The following RBM6 variants were observed in gnomAD, a reference collection of about 807,000 sequenced individuals.
RBM6 encodes RNA binding motif protein 6.
In RBM6, 23 loss-of-function variants were observed where a neutral mutation model predicts 140.4. The observed-to-expected ratio is 0.16, with a 90% CI of 0.12 to 0.23. The LOEUF (loss-of-function observed/expected upper bound fraction) is 0.23. Among genes scored for constraint, RBM6 ranks in the 10% least tolerant of loss-of-function variants. RBM6 has a pLI of 1.00. For synonymous variants in RBM6, 439 were observed against 475.6 expected, an observed-to-expected ratio of 0.92 and a Z score of 1.00; for missense variants, 1,139 against 1,386.7, an observed-to-expected ratio of 0.82 and a Z score of 2.84.
chr3:50,018,943 G>A (rs888189430), intron 6 of RBM6, among the ~76,000 whole-genome samples: 3 of 151,976 alleles, frequency 2.0e-5, no homozygotes, highest in African/African-American at 4.8e-5. Flanking sequence ...CCAAAGTAGC[G>A]ATTACAATTT....
At chr3:50,037,891 G>C (rs890354823) in intron 6 of RBM6, among the ~76,000 whole-genome samples, 110 of 147,706 alleles carry the variant, frequency 7.4e-4, no homozygotes, top group African/African-American at 2.6e-3. Context: ...GCACGATCTT[G>C]GTTCACTGCA....
chr3:50,015,712 G>A (rs895644481), intron 6 of RBM6, among the ~76,000 whole-genome samples: 5 of 152,210 alleles, frequency 3.3e-5, no homozygotes, highest in South Asian at 2.1e-4. Context: ...GATTACAGGC[G>A]TGAGCCACCG....
In RBM6 at chr3:50,065,016, C is replaced by G. The variant is rs1236547759; in HGVS notation, c.2587-15C>G. ...TGAGTGAATATCATGTGAGAGTTAC[C>G]TCTGGTTTGATCAGTTTCAGGAAAA... is the stretch of plus-strand genomic sequence containing the variant. On this transcript the variant is annotated splice_polypyrimidine_tract_variant and intron_variant, in intron 15 of 20. Coordinates refer to ENST00000266022, the MANE Select transcript of RBM6 (RefSeq NM_005777.3). The G allele has an allele frequency of 1.9e-6, 3 of 1,599,260 alleles. No individual in the cohort carries two copies. Among genetic ancestry groups the G allele is most frequent in the African/African-American group, 2.7e-5 (2 of 74,544 alleles).
At chr3:49,963,739 T>C (rs886442578) in intron 2 of RBM6, among the ~76,000 whole-genome samples, 1 of 152,212 alleles carries the variant, frequency 6.6e-6, no homozygotes, top group African/African-American at 2.4e-5. Flanking sequence ...TTTTAACTAG[T>C]ATTTAAACAT....
intron 6 of RBM6, among the ~76,000 whole-genome samples, chr3:50,002,234 T>A (rs950097390): frequency 6.6e-6 from 1 of 151,414 alleles, no homozygotes; most frequent in African/African-American, 2.4e-5. Flanking sequence ...ACTACAGATA[T>A]GCGCCACCAT....
chr3:50,016,033 C>T (rs186710757), intron 6 of RBM6, among the ~76,000 whole-genome samples: 1 of 152,296 alleles, frequency 6.6e-6, no homozygotes, highest in East Asian at 1.9e-4. Flanking sequence ...ACTAAAACTT[C>T]TTCCTCCTGT....
chr3:49,969,341 T>TC lies in RBM6; in HGVS notation c.1323+594dup, dbSNP rs1300906890. ...CCTGGCCAGTTTTTTTTTTTTTTTTTCATTTTATTTTTATCTTTGCATAAC... is the reference window on the plus strand; with the variant it reads ...CCTGGCCAGTTTTTTTTTTTTTTTTTCCATTTTATTTTTATCTTTGCATAAC... On this transcript the variant is annotated intron_variant, in intron 3 of 20. Coordinates refer to ENST00000266022, the MANE Select transcript of RBM6 (RefSeq NM_005777.3). Among the ~76,000 whole-genome samples, 30 of 149,192 alleles carry TC rather than the reference T, an allele frequency of 2.0e-4. 1 individual carries two copies. The highest frequency in any genetic ancestry group is 2.0e-3 in the Admixed American group (30 of 14,922).
At chr3:50,040,461 AAAAAAAAAAAAT>A (rs1424475691) in intron 6 of RBM6, among the ~76,000 whole-genome samples, 32 of 47,854 alleles carry the variant, frequency 6.7e-4, no homozygotes, top group East Asian at 6.7e-3. Flanking sequence ...AAAAAAAAAA[AAAAAAAAAAAAT>A]ATATATATAT....
chr3:49,953,262 C>G (rs2083820851), intron 1 of RBM6, among the ~76,000 whole-genome samples: 3 of 151,766 alleles, frequency 2.0e-5, no homozygotes, highest in African/African-American at 7.3e-5. Flanking sequence ...CCCTGTCGCC[C>G]AGGTTGGAGT....
intron 6 of RBM6, chr3:50,047,430 ACT>A: frequency 1.2e-5 from 8 of 692,142 alleles, no homozygotes; most frequent in Non-Finnish European, 1.2e-5. Context: ...ATTAAACAAA[ACT>A]TTATTTTAAT....
intron 8 of RBM6, among the ~76,000 whole-genome samples, chr3:50,056,656 T>G (rs1398793502): frequency 6.6e-6 from 1 of 152,212 alleles, no homozygotes; most frequent in Non-Finnish European, 1.5e-5. Context: ...AGCTTTAATC[T>G]GGAAACCTGT....
chr3:50,016,093 C>G (rs1244798207), intron 6 of RBM6, among the ~76,000 whole-genome samples: 1 of 152,210 alleles, frequency 6.6e-6, no homozygotes, highest in African/African-American at 2.4e-5. Context: ...TTCTCCTCCA[C>G]CCGCCTTCTC....
chr3:49,945,831 A>G (rs1245140534), intron 1 of RBM6, among the ~76,000 whole-genome samples: 1 of 149,964 alleles, frequency 6.7e-6, no homozygotes, highest in East Asian at 2.0e-4. Context: ...GCAGTGAGCC[A>G]AAATCGCGCC....
At chr3:49,956,606 A>G (rs1057338424) in intron 1 of RBM6, among the ~76,000 whole-genome samples, 1 of 150,786 alleles carries the variant, frequency 6.6e-6, no homozygotes, top group East Asian at 1.9e-4. Flanking sequence ...TGCTGGGATT[A>G]TAGGCGTAAG....
intron 1 of RBM6, among the ~76,000 whole-genome samples, chr3:49,945,360 G>A (rs1353425510): frequency 1.3e-5 from 2 of 151,474 alleles, no homozygotes; most frequent in Non-Finnish European, 2.9e-5. Context: ...TTATTTTTTT[G>A]TAGCTGTGGG....
At chr3:50,002,292 C>T (rs1259399344) in intron 6 of RBM6, among the ~76,000 whole-genome samples, 3 of 148,244 alleles carry the variant, frequency 2.0e-5, no homozygotes, top group African/African-American at 2.5e-5. Flanking sequence ...GATGGAGTCT[C>T]GCTCTGTTGC....
At position 50,015,046 on chromosome 3, in the gene RBM6, CAAAAAAAAAA is replaced by C. The variant is rs71080566; in HGVS notation, c.1557+15549_1557+15558del. Among the ~76,000 whole-genome samples, 34 of 52,858 alleles carry C rather than the reference CAAAAAAAAAA, an allele frequency of 6.4e-4. No homozygotes were observed. The Admixed American group carries it at 9.6e-3, about 15-fold the overall frequency. 34.7% of individuals were successfully genotyped at this position (52,858 alleles called of 152,430 possible). A position where few individuals can be genotyped will look rare whatever the true frequency, so the allele number is the denominator to read the frequency against. On this transcript the variant is annotated intron_variant, in intron 6 of 20. Transcript: ENST00000266022. ...CCTGGCCAACAGAGTGAGACTGTCTCAAAAAAAAAAAAAAAAAAAAAAAAAGTTTTTTATT... is the reference window on the plus strand; with the variant it reads ...CCTGGCCAACAGAGTGAGACTGTCTCAAAAAAAAAAAAAAAGTTTTTTATT...
chr3:49,980,202 G>A (rs1575601254), intron 5 of RBM6, among the ~76,000 whole-genome samples: 1 of 151,422 alleles, frequency 6.6e-6, no homozygotes, highest in Non-Finnish European at 1.5e-5. Flanking sequence ...ACAGGGTTGC[G>A]CCATGTTGAC....
At chr3:50,047,554 C>G (rs1487177865) in intron 6 of RBM6, among the ~76,000 whole-genome samples, 1 of 152,180 alleles carries the variant, frequency 6.6e-6, no homozygotes, top group Non-Finnish European at 1.5e-5. Context: ...CAAAGGCTTA[C>G]TTGCCAATGG....
Sources: allele counts gnomAD v4.1 joint callset (sites outside exome capture counted in the v4.1 genomes callset), GRCh38; gene constraint gnomAD v4.1.1; transcripts MANE v1.5; gene names NCBI Gene and HGNC (gene_info 2026-07-23, HGNC 2026-07-21).